Variants in ABCA12 observed in about 807,000 individuals in gnomAD.
ABCA12 encodes the protein ATP binding cassette subfamily A member 12.
Under a neutral mutation model 293.5 loss-of-function variants are expected in ABCA12, and 156 were observed. The observed-to-expected ratio is 0.53, with a 90% CI of 0.47 to 0.61. The LOEUF (loss-of-function observed/expected upper bound fraction) is 0.61. ABCA12 is among the 20% of genes least tolerant of loss of function. ABCA12 has a pLI of 0.00. For missense variants in ABCA12, 2,797 were observed against 3,090.2 expected (o/e 0.91, Z 2.25); for synonymous variants, 1,063 against 1,108.0 (o/e 0.96, Z 0.81).
intron 2 of ABCA12, among the ~76,000 whole-genome samples, chr2:215,086,938 T>C (rs954884838): frequency 6.6e-6 from 1 of 151,096 alleles, no homozygotes; most frequent in Non-Finnish European, 1.5e-5. Context: ...ATTATTATTA[T>C]TATTATTATT....
Position 214,966,864 on chromosome 2 carries a change from G to A in ABCA12, c.5868C>T (p.Tyr1956=), listed in dbSNP as rs372118363. 1.4e-5 allele frequency: 23 copies of A among 1,613,686 alleles called. No homozygotes were observed. The highest frequency in any genetic ancestry group is 1.7e-4 in the Middle Eastern group (1 of 6,056). The change falls in exon 39 of 53, where the codon TAC becomes TAT. Residue 1956 remains tyrosine (Y), a synonymous_variant. Transcript: ENST00000272895. The part of the protein sequence containing the change: ...NFLLRVNMSK[Y]DAARHGIIMY... ...TAACTTTACCATGTCGGGCAGCATC[G>A]TATTTTGACATGTTAACTCGCAGAA...
chr2:215,011,859 G>A (rs1700381890), intron 16 of ABCA12, 112 bp downstream of exon 16: 2 of 1,187,018 alleles, frequency 1.7e-6, no homozygotes, highest in Admixed American at 4.5e-5. Flanking sequence ...TTTTCTTGTA[G>A]GTGTTGTTTT....
intron 35 of ABCA12, 137 bp downstream of exon 35, chr2:214,974,641 A>G: frequency 1.2e-6 from 1 of 828,910 alleles, no homozygotes. Flanking sequence ...GGAGATAGAC[A>G]AAATCTGTTA....
intron 9 of ABCA12, chr2:215,030,210 A>C (rs2049353): frequency 1 from 151,910 of 152,270 alleles, 75,777 homozygotes; most frequent in East Asian, 1. Context: ...ATAAAAATAC[A>C]TGGCTTCAGC....
At chr2:214,964,895 C>CA (rs1319035003) in intron 39 of ABCA12, among the ~76,000 whole-genome samples, 1 of 151,684 alleles carries the variant, frequency 6.6e-6, no homozygotes. Flanking sequence ...CATACAGAAC[C>CA]AAAAAAAGAG....
chr2:214,991,764 G>A (rs1699916662), intron 23 of ABCA12, among the ~76,000 whole-genome samples: 1 of 152,140 alleles, frequency 6.6e-6, no homozygotes, highest in African/African-American at 2.4e-5. Flanking sequence ...GATATCCCCA[G>A]AGGCCAAGGC....
intron 34 of ABCA12, 121 bp from the exon 35 acceptor site, chr2:214,974,985 CAG>C (rs776664354): frequency 1.1e-6 from 1 of 903,502 alleles, no homozygotes; most frequent in Non-Finnish European, 1.8e-6. Context: ...TTTTTTGAGA[CAG>C]AGTCTTGCCG....
intron 51 of ABCA12, among the ~76,000 whole-genome samples, chr2:214,935,304 G>C (rs758309103): frequency 1.3e-5 from 2 of 152,102 alleles, no homozygotes; most frequent in Non-Finnish European, 2.9e-5. Context: ...CACTGCATTT[G>C]CCTTGTATAG....
chr2:215,138,284 C>T lies in ABCA12; in HGVS notation c.-76G>A. On this transcript the variant is annotated 5_prime_UTR_variant, in exon 1 of 53. Transcript: ENST00000272895. The stretch of plus-strand genomic sequence containing the variant: ...AATGAAGAACTGATGCCCCGTCCAA[C>T]TTGCTGTATGTCAGTGTATCAGTAC... 6.7e-7 allele frequency: 1 copy of T among 1,497,678 alleles called. No individual in the cohort carries two copies. The highest frequency in any genetic ancestry group is 1.1e-5 in the South Asian group (1 of 88,854). 92.8% of individuals were successfully genotyped at this position (1,497,678 alleles called of 1,614,324 possible).
chr2:215,138,364 T>G lies in ABCA12; in HGVS notation c.-156A>C. On this transcript the variant is annotated 5_prime_UTR_variant, in exon 1 of 53. Transcript: ENST00000272895. The stretch of plus-strand genomic sequence containing the variant: ...TGGGGTAAGAAACCCACAGTTCTTC[T>G]GTTTCTGCTGGATTTTTCCCTGTGG... 1.3e-6 allele frequency: 1 copy of G among 766,378 alleles called. No homozygotes were observed. Among genetic ancestry groups the G allele is most frequent in the African/African-American group, 1.7e-5 (1 of 58,248 alleles). 47.5% of individuals were successfully genotyped at this position (766,378 alleles called of 1,614,324 possible).
chr2:214,941,610 T>C (rs1698404454), intron 50 of ABCA12, among the ~76,000 whole-genome samples: 1 of 152,142 alleles, frequency 6.6e-6, no homozygotes, highest in Non-Finnish European at 1.5e-5. Flanking sequence ...CTCTAAGAAC[T>C]TGCTTTATGA....
chr2:215,009,419 C>G (rs1700324745), intron 18 of ABCA12, among the ~76,000 whole-genome samples: 1 of 151,876 alleles, frequency 6.6e-6, no homozygotes, highest in Non-Finnish European at 1.5e-5. Flanking sequence ...AGAAGTGTAC[C>G]TGTGTAACAA....
intron 14 of ABCA12, among the ~76,000 whole-genome samples, chr2:215,017,165 T>G (rs1277591443): frequency 2.0e-5 from 3 of 152,194 alleles, no homozygotes; most frequent in Non-Finnish European, 4.4e-5. Context: ...CCTTAAAGGC[T>G]TTTTAGAAAC....
At chr2:215,118,800 T>C (rs1702740648) in intron 1 of ABCA12, among the ~76,000 whole-genome samples, 1 of 152,188 alleles carries the variant, frequency 6.6e-6, no homozygotes, top group African/African-American at 2.4e-5. Context: ...TGGCCTCTTG[T>C]ATGTCATCTT....
At chr2:215,090,699 C>T (rs1702125150) in intron 2 of ABCA12, among the ~76,000 whole-genome samples, 2 of 152,116 alleles carry the variant, frequency 1.3e-5, no homozygotes, top group Non-Finnish European at 2.9e-5. Context: ...CACGGGGATG[C>T]CTGTCTTGAT....
At chr2:215,029,423 C>G (rs761419431) in intron 9 of ABCA12, 1 of 152,272 alleles carries the variant, frequency 6.6e-6, no homozygotes, top group Non-Finnish European at 1.5e-5. Context: ...CCCCACACTT[C>G]CCAATATTGC....
At chr2:215,060,842 A>ATTAAAT (rs1701513496) in intron 3 of ABCA12, among the ~76,000 whole-genome samples, 1 of 152,028 alleles carries the variant, frequency 6.6e-6, no homozygotes, top group Non-Finnish European at 1.5e-5. Context: ...CTGATTAAAT[A>ATTAAAT]TTTTTTCAAG....
intron 1 of ABCA12, among the ~76,000 whole-genome samples, chr2:215,126,309 T>C (rs1406398411): frequency 2.0e-5 from 3 of 152,282 alleles, no homozygotes; most frequent in South Asian, 2.1e-4. Flanking sequence ...GCTGACTTCA[T>C]AGAATGAATT....
chr2:215,057,773 A>T (rs1701448346), intron 3 of ABCA12, among the ~76,000 whole-genome samples: 1 of 152,068 alleles, frequency 6.6e-6, no homozygotes, highest in African/African-American at 2.4e-5. Context: ...ACAACTTACC[A>T]CTAAAGCAAC....
Sources: gnomAD v4.1 joint callset for allele counts (sites outside exome capture counted in the v4.1 genomes callset) on GRCh38, gnomAD v4.1.1 for gene constraint, MANE v1.5 for transcripts, NCBI Gene and HGNC (gene_info 2026-07-23, HGNC 2026-07-21) for gene names.